PRKD3: variants seen among roughly 807,000 people sequenced by gnomAD.
The protein encoded by PRKD3 is protein kinase D3.
In PRKD3, 47 loss-of-function variants were observed where a neutral mutation model predicts 99.2. That is an observed-to-expected ratio of 0.47 (90% CI 0.38 to 0.60). The LOEUF is 0.60. Among genes scored for constraint, PRKD3 ranks in the 20% least tolerant of loss-of-function variants. The pLI, the probability that PRKD3 is intolerant of heterozygous loss-of-function variation, is 0.00. For synonymous variants in PRKD3, 392 were observed against 355.4 expected (o/e 1.10, Z -1.16); for missense variants, 1,019 against 1,088.4 (o/e 0.94, Z 0.90).
intron 13 of PRKD3, chr2:37,268,585 C>T (rs889732630): frequency 4.2e-6 from 1 of 236,964 alleles, no homozygotes; most frequent in Non-Finnish European, 8.4e-6. Context: ...GCAGGAGTAC[C>T]AAAGGGGAAC....
At chr2:37,272,008 C>T (rs1463697921) in intron 12 of PRKD3, among the ~76,000 whole-genome samples, 1 of 152,150 alleles carries the variant, frequency 6.6e-6, no homozygotes, top group African/African-American at 2.4e-5. Context: ...GGTTGTTCCC[C>T]AACCCTCATC....
intron 12 of PRKD3, among the ~76,000 whole-genome samples, chr2:37,271,763 C>A (rs555743227): frequency 1.3e-5 from 2 of 152,312 alleles, no homozygotes; most frequent in Admixed American, 1.3e-4. Flanking sequence ...CAACCCCCTA[C>A]CTCCGTGGAA....
intron 11 of PRKD3, among the ~76,000 whole-genome samples, chr2:37,272,963 T>C (rs1260543134): frequency 1.5e-5 from 2 of 131,490 alleles, no homozygotes; most frequent in East Asian, 2.2e-4. Flanking sequence ...CTGGGCGACA[T>C]AGCGAGACCC....
chr2:37,293,153 A>C lies in PRKD3; in HGVS notation c.407T>G (p.Leu136Arg). The C allele has an allele frequency of 1.3e-6, 2 of 1,586,272 alleles. No homozygotes were observed. The highest frequency in any genetic ancestry group is 1.7e-6 in the Non-Finnish European group (2 of 1,157,954). ...CTTACCTGAAAGAACCACTTCCACTAGGTCTCCTTCATGTATTTCATCTGC... is the reference window on the plus strand; with the variant it reads ...CTTACCTGAAAGAACCACTTCCACTCGGTCTCCTTCATGTATTTCATCTGC... ...TSADEIHEGD[L>R]VEVVLSALAT... The change falls in exon 3 of 19, where the codon CTA (leucine) becomes CGA (arginine). Residue 136 changes from leucine (L) to arginine (R), a missense_variant. Coordinates refer to ENST00000234179, the MANE Select transcript of PRKD3 (RefSeq NM_005813.6).
At position 37,316,773 on chromosome 2, in the gene PRKD3, G is replaced by T; in HGVS notation, c.-249C>A. 7.5e-7 allele frequency: 1 copy of T among 1,333,076 alleles called. No homozygotes were observed. The allele number at this position is 1,333,076 out of a possible 1,614,324, so 82.6% of individuals were successfully genotyped here. A position where few individuals can be genotyped will look rare whatever the true frequency, so the allele number is the denominator to read the frequency against. On this transcript the variant is annotated 5_prime_UTR_variant, in exon 2 of 19. In the 5' UTR this introduces an upstream ATG that the reference lacks. Coordinates refer to ENST00000234179, the MANE Select transcript of PRKD3 (RefSeq NM_005813.6). ...AGTCTTGTCTGTAGGAAGACAACCA[G>T]GGATTTGTAAAGGATTTAACATCAC...
rs199934578 is a variant in PRKD3 at position 37,290,881 on chromosome 2, T to C, written c.546A>G (p.Gly182=). 4.5e-5 allele frequency: 72 copies of C among 1,601,226 alleles called. No individual in the cohort carries two copies. Among genetic ancestry groups the C allele is most frequent in the Non-Finnish European group, 6.0e-5 (70 of 1,171,842 alleles). ...GEMLWGLVRQ[G]LKCEGCGLNY... is the part of the protein sequence containing the mutation. ...TAGAACACACACCTTCACATTTCAG[T>C]CCTTGACGTACCAATCCCCAGAGCA... Residue 182 remains glycine (G), a synonymous_variant, in exon 4 of 19, where the codon GGA becomes GGG. Transcript: ENST00000234179.
intron 9 of PRKD3, 45 bp from the exon 10 acceptor site, chr2:37,275,889 CT>C: frequency 6.3e-7 from 1 of 1,576,922 alleles, no homozygotes; most frequent in Non-Finnish European, 8.6e-7. Flanking sequence ...AAAATGATTC[CT>C]CCAAAGTGCT....
rs551218266 is a variant in PRKD3, at chr2:37,297,983, G to A, written c.289-4712C>T. Among the ~76,000 whole-genome samples, 3 of 152,230 alleles carry A rather than the reference G, an allele frequency of 2.0e-5. No individual in the cohort carries two copies. The South Asian group carries it at 6.2e-4, about 32-fold the overall frequency. ...GGTTTGTTTGTTTCCTTTCCTTGAA[G>A]GTGGAGTATCTACATAAATTATTTG... On this transcript the variant is annotated intron_variant, in intron 2 of 18. Transcript: ENST00000234179.
At chr2:37,285,741 A>G (rs1670059942) in intron 6 of PRKD3, among the ~76,000 whole-genome samples, 1 of 152,180 alleles carries the variant, frequency 6.6e-6, no homozygotes, top group African/African-American at 2.4e-5. Context: ...AGAGATCCAC[A>G]TTCTAGTTTT....
rs893649487 is a variant in PRKD3, at chr2:37,284,920, C to T, written c.910+1257G>A. Among the ~76,000 whole-genome samples, 5 of 152,106 alleles carry T rather than the reference C, an allele frequency of 3.3e-5. No homozygotes were observed. In the East Asian group the frequency reaches 9.6e-4, roughly 29 times the overall value. Reference sequence around the variant, plus strand: ...ACTCGTCATTTAACATTAGGTATATCTCCTAATGCTATCCCTCCCCCCTCA... The same window carrying T: ...ACTCGTCATTTAACATTAGGTATATTTCCTAATGCTATCCCTCCCCCCTCA... On this transcript the variant is annotated intron_variant, in intron 6 of 18. Transcript: ENST00000234179.
intron 1 of PRKD3, among the ~76,000 whole-genome samples, chr2:37,321,216 G>A (rs1247761682): frequency 1.3e-5 from 2 of 152,046 alleles, no homozygotes; most frequent in East Asian, 3.9e-4. Context: ...CATCTAGTTG[G>A]CAAGCATTTC....
Position 37,293,135 on chromosome 2 carries a change from G to A in PRKD3, c.425C>T (p.Ser142Leu), listed in dbSNP as rs764809329. 6.4e-7 allele frequency: 1 copy of A among 1,560,984 alleles called. No homozygotes were observed. The highest frequency in any genetic ancestry group is 2.3e-5 in the East Asian group (1 of 44,000). ...HEGDLVEVVL[S>L]ALATVEDFQI... ...ACTCTAAAAAGCCACTTACTTACCTGAAAGAACCACTTCCACTAGGTCTCC... is the reference window on the plus strand; with the variant it reads ...ACTCTAAAAAGCCACTTACTTACCTAAAAGAACCACTTCCACTAGGTCTCC... Residue 142 changes from serine (S) to leucine (L), a missense_variant and splice_region_variant, in exon 3 of 19, where the codon TCA becomes TTA. Ser to Leu is a moderately radical substitution (Grantham distance 145). Around this residue, in one of 3 missense-constraint regions of PRKD3, gnomAD observed 710 missense variants for 692.7 expected, o/e 1.02. Transcript: ENST00000234179.
intron 14 of PRKD3, among the ~76,000 whole-genome samples, chr2:37,266,301 C>A (rs1189293816): frequency 6.6e-6 from 1 of 152,154 alleles, no homozygotes; most frequent in Non-Finnish European, 1.5e-5. Flanking sequence ...TCACCCAAAG[C>A]AAATGGGGCT....
At chr2:37,319,855 A>C (rs1671804808) in intron 1 of PRKD3, among the ~76,000 whole-genome samples, 1 of 152,216 alleles carries the variant, frequency 6.6e-6, no homozygotes, top group Non-Finnish European at 1.5e-5. Flanking sequence ...CAAATACTTG[A>C]ATAAGTGTTA....
intron 3 of PRKD3, among the ~76,000 whole-genome samples, chr2:37,291,989 TAAA>T (rs1469658006): frequency 2.0e-5 from 3 of 152,220 alleles, no homozygotes; most frequent in Admixed American, 1.3e-4. Context: ...TAGTGGGAAT[TAAA>T]AAACAACGTA....
rs201844476 is a variant in PRKD3 at position 37,286,300 on chromosome 2, T to A, written c.787A>T (p.Met263Leu). The A allele has an allele frequency of 1.9e-6, 3 of 1,614,116 alleles. No homozygotes were observed. Among genetic ancestry groups the A allele is most frequent in the East Asian group, 2.2e-5 (1 of 44,882 alleles). The change falls in exon 6 of 19, where the codon ATG becomes TTG. Residue 263 changes from methionine (M) to leucine (L), a missense_variant. By Grantham distance (15) the Met-to-Leu change is conservative. Coordinates refer to ENST00000234179, the MANE Select transcript of PRKD3 (RefSeq NM_005813.6). ...WSGRPIWMEK[M>L]VMCRVKVPHT... Reference sequence around the variant, plus strand: ...GGAACTTTCACTCTGCACATTACCATCTTTTCCATCCAGATTGGGCGACCA... The same window carrying A: ...GGAACTTTCACTCTGCACATTACCAACTTTTCCATCCAGATTGGGCGACCA...
At chr2:37,290,289 T>C (rs1670341631) in intron 4 of PRKD3, among the ~76,000 whole-genome samples, 1 of 152,022 alleles carries the variant, frequency 6.6e-6, no homozygotes, top group South Asian at 2.1e-4. Flanking sequence ...AGTGCAATGG[T>C]GCAATCTCGG....
Position 37,279,771 on chromosome 2 carries a change from C to G in PRKD3, c.1147G>C (p.Asp383His), listed in dbSNP as rs769950198. ...LDPSDLDVER[D>H]EEAVKTISPS... ...CTGATTGTTTTAACGGCTTCTTCAT[C>G]TCTTTCCACATCGAGATCAGATGGA... Residue 383 changes from aspartate to histidine, a missense_variant, in exon 8 of 19, where the codon GAT becomes CAT. This residue lies in a region of PRKD3 where 710 missense variants were observed against 692.7 expected (regional missense o/e 1.02). Coordinates refer to ENST00000234179, the MANE Select transcript of PRKD3 (RefSeq NM_005813.6). The G allele has an allele frequency of 6.2e-7, 1 of 1,613,212 alleles. No homozygotes were observed. Among genetic ancestry groups the G allele is most frequent in the South Asian group, 1.1e-5 (1 of 90,916 alleles).
At chr2:37,297,307 T>C (rs1287278167) in intron 2 of PRKD3, among the ~76,000 whole-genome samples, 1 of 152,194 alleles carries the variant, frequency 6.6e-6, no homozygotes, top group African/African-American at 2.4e-5. Context: ...ATTCAATGTA[T>C]GTATTGTATA....
Sources: allele counts gnomAD v4.1 joint callset (sites outside exome capture counted in the v4.1 genomes callset), GRCh38; gene constraint gnomAD v4.1.1; regional missense constraint gnomAD v4.1.1; transcripts MANE v1.5; gene names NCBI Gene and HGNC (gene_info 2026-07-23, HGNC 2026-07-21).